The following KIF5C variants were observed in gnomAD, a reference collection of about 807,000 sequenced individuals.
KIF5C encodes the protein kinesin family member 5C.
In KIF5C, 18 loss-of-function variants were observed where a neutral mutation model predicts 125.2. The ratio of observed to expected loss-of-function variants is 0.14; its 90% CI spans 0.10 to 0.21. KIF5C has a LOEUF of 0.21. KIF5C is among the 10% of genes least tolerant of loss of function. The probability of loss-of-function intolerance (pLI) is 1.00; values close to 1 mark genes in which losing one functional copy is unlikely to be tolerated. For synonymous variants in KIF5C, 405 were observed against 434.0 expected (o/e 0.93, Z 0.83); for missense variants, 780 against 1,183.8 (o/e 0.66, Z 5.01).
chr2:148,903,046 T>A (rs1397271527), intron 1 of KIF5C, among the ~76,000 whole-genome samples: 1 of 152,122 alleles, frequency 6.6e-6, no homozygotes, highest in Non-Finnish European at 1.5e-5. Flanking sequence ...GTACTTGGGC[T>A]CTGCAGGCAA....
intron 1 of KIF5C, among the ~76,000 whole-genome samples, chr2:148,909,671 T>C (rs899008067): frequency 6.6e-6 from 1 of 152,208 alleles, no homozygotes; most frequent in African/African-American, 2.4e-5. Flanking sequence ...TGGTAATTAA[T>C]GCTGAGCAGA....
At chr2:148,880,553 C>T (rs940386866) in intron 1 of KIF5C, among the ~76,000 whole-genome samples, 2 of 152,216 alleles carry the variant, frequency 1.3e-5, no homozygotes, top group African/African-American at 2.4e-5. Flanking sequence ...AGTAACCATA[C>T]GGTTAACTCT....
intron 3 of KIF5C, among the ~76,000 whole-genome samples, chr2:148,932,769 G>C (rs1266165896): frequency 6.6e-6 from 1 of 152,194 alleles, no homozygotes; most frequent in Non-Finnish European, 1.5e-5. Flanking sequence ...AGCCTGCCAA[G>C]TGATTTTGAA....
intron 15 of KIF5C, among the ~76,000 whole-genome samples, chr2:148,985,665 T>C (rs1187935809): frequency 1.3e-5 from 2 of 152,248 alleles, no homozygotes; most frequent in Non-Finnish European, 2.9e-5. Context: ...TTAGCCATTT[T>C]ATCTTTAAAA....
chr2:149,020,586 C>T (rs1180967205), intron 25 of KIF5C, among the ~76,000 whole-genome samples: 4 of 152,166 alleles, frequency 2.6e-5, no homozygotes, highest in Admixed American at 2.6e-4. Flanking sequence ...TGTGTCAACA[C>T]GGTTTGGCTG....
At chr2:148,880,804 G>A (rs1275914722) in intron 1 of KIF5C, among the ~76,000 whole-genome samples, 2 of 152,092 alleles carry the variant, frequency 1.3e-5, no homozygotes, top group African/African-American at 4.8e-5. Context: ...CATGGACTGA[G>A]GGAACATCAT....
chr2:148,957,592 T>TGAAAAAAA (rs1285261249), intron 10 of KIF5C, among the ~76,000 whole-genome samples: 3 of 71,804 alleles, frequency 4.2e-5, no homozygotes, highest in African/African-American at 1.2e-4. Context: ...TTTGTTCTAG[T>TGAAAAAAA]AAAAAAAAAA....
intron 1 of KIF5C, among the ~76,000 whole-genome samples, chr2:148,908,143 T>G (rs1290358314): frequency 6.6e-6 from 1 of 152,224 alleles, no homozygotes; most frequent in Non-Finnish European, 1.5e-5. Flanking sequence ...GAGTTGAAAG[T>G]TGACCTTTTC....
intron 15 of KIF5C, among the ~76,000 whole-genome samples, chr2:148,985,849 C>T (rs1035075965): frequency 1.3e-5 from 2 of 152,104 alleles, no homozygotes; most frequent in Non-Finnish European, 2.9e-5. Flanking sequence ...CATGACCGCT[C>T]GTAAATGTAA....
chr2:148,917,186 T>G (rs570680272), intron 1 of KIF5C, among the ~76,000 whole-genome samples: 3 of 152,222 alleles, frequency 2.0e-5, no homozygotes, highest in Non-Finnish European at 4.4e-5. Flanking sequence ...ATCTTCAGTT[T>G]TTCTTTCCTC....
chr2:148,939,073 C>A (rs543855661), intron 4 of KIF5C, among the ~76,000 whole-genome samples: 1 of 140,134 alleles, frequency 7.1e-6, no homozygotes, highest in Non-Finnish European at 1.5e-5. Context: ...CTAGCCTGGG[C>A]GACAGAGAGA....
chr2:148,961,723 A>C (rs1415454557), intron 10 of KIF5C, among the ~76,000 whole-genome samples: 1 of 152,152 alleles, frequency 6.6e-6, no homozygotes, highest in African/African-American at 2.4e-5. Flanking sequence ...ACCCTGAGAC[A>C]ATTCGAATAA....
rs1321206401 is a variant in KIF5C, at chr2:148,931,605, G to A, written c.291+2251G>A. On this transcript the variant is annotated intron_variant, in intron 3 of 25. Coordinates refer to ENST00000435030, the MANE Select transcript of KIF5C (RefSeq NM_004522.3). Reference sequence around the variant, plus strand: ...TTGAACTGTGGAGGCGAAGGTTGCAGTGAGCCAAGATTACACCACTGCGCT... The same window carrying A: ...TTGAACTGTGGAGGCGAAGGTTGCAATGAGCCAAGATTACACCACTGCGCT... Among the ~76,000 whole-genome samples the A allele has an allele frequency of 2.8e-4, 42 of 152,230 alleles. 1 individual carries two copies. The highest frequency in any genetic ancestry group is 2.7e-3 in the Admixed American group (42 of 15,282).
chr2:148,922,167 C>A lies in KIF5C; in HGVS notation c.157C>A (p.Leu53Ile). The A allele has an allele frequency of 6.2e-7, 1 of 1,612,834 alleles. No individual in the cohort carries two copies. The highest frequency in any genetic ancestry group is 1.1e-5 in the South Asian group (1 of 90,888). The change falls in exon 2 of 26, where the codon CTA (leucine) becomes ATA (isoleucine). Residue 53 changes from leucine to isoleucine, a missense_variant. This residue lies in a region of KIF5C where 207 missense variants were observed against 441.2 expected (regional missense o/e 0.47). Transcript: ENST00000435030. ...GAAGCCATATGTCTTCGACAGAGTGCTACCTCCCAACACGACCCAAGAGCA... is the reference window on the plus strand; with the variant it reads ...GAAGCCATATGTCTTCGACAGAGTGATACCTCCCAACACGACCCAAGAGCA... ...QGKPYVFDRV[L>I]PPNTTQEQVY...
At position 148,875,587 on chromosome 2, in the gene KIF5C, T is replaced by G; in HGVS notation, c.-31T>G. 2.7e-6 allele frequency: 1 copy of G among 366,936 alleles called. No homozygotes were observed. The allele number at this position is 366,936 out of a possible 1,614,324, so 22.7% of individuals were successfully genotyped here. A position where few individuals can be genotyped will look rare whatever the true frequency, so the allele number is the denominator to read the frequency against. On this transcript the variant is annotated 5_prime_UTR_variant, in exon 1 of 26. Transcript: ENST00000435030. The stretch of plus-strand genomic sequence containing the variant: ...GTTCCCGGCCCCGGCCCCCCACCCA[T>G]CCCCGTGCCCCCTCCCTACCGCCGG...
intron 9 of KIF5C, 131 bp downstream of exon 9, chr2:148,950,074 G>A: frequency 7.2e-7 from 1 of 1,395,876 alleles, no homozygotes; most frequent in South Asian, 1.5e-5. Context: ...GGGAATCCTG[G>A]CTATGGATGC....
At chr2:148,996,798 C>T (rs1022658794) in intron 17 of KIF5C, among the ~76,000 whole-genome samples, 4 of 152,196 alleles carry the variant, frequency 2.6e-5, no homozygotes, top group East Asian at 1.9e-4. Context: ...AGAGAATAAA[C>T]GCCTACCCAT....
At chr2:148,979,725 A>G (rs1207186917) in intron 13 of KIF5C, among the ~76,000 whole-genome samples, 2 of 152,188 alleles carry the variant, frequency 1.3e-5, no homozygotes, top group Non-Finnish European at 2.9e-5. Context: ...AAACAAAACT[A>G]GAAGGTAGAG....
intron 25 of KIF5C, among the ~76,000 whole-genome samples, chr2:149,014,888 G>A (rs1682316411): frequency 6.6e-6 from 1 of 152,108 alleles, no homozygotes; most frequent in Admixed American, 6.6e-5. Context: ...TGACATAAGG[G>A]CTTTTAAAGA....
Sources: allele counts gnomAD v4.1 joint callset (sites outside exome capture counted in the v4.1 genomes callset), GRCh38; gene constraint gnomAD v4.1.1; regional missense constraint gnomAD v4.1.1; transcripts MANE v1.5; gene names NCBI Gene and HGNC (gene_info 2026-07-23, HGNC 2026-07-21).